RELB: variants seen among roughly 807,000 people sequenced by gnomAD.
RELB encodes the protein transcription factor RelB.
RELB carries 14 observed loss-of-function variants against 55.4 expected under a neutral mutation model. The observed-to-expected ratio is 0.25, with a 90% confidence interval of 0.17 to 0.40. The LOEUF is 0.40. RELB is among the 10% of genes least tolerant of loss of function. The pLI, the probability that RELB is intolerant of heterozygous loss-of-function variation, is 1.00. For missense variants in RELB, 669 were observed against 830.7 expected (o/e 0.81, Z 2.39); for synonymous variants, 409 against 371.3 (o/e 1.10, Z -1.17).
intron 5 of RELB, among the ~76,000 whole-genome samples, chr19:45,024,363 C>G (rs913179409): frequency 6.6e-6 from 1 of 151,484 alleles, no homozygotes; most frequent in Non-Finnish European, 1.5e-5. Context: ...GGGGTTTCAC[C>G]GTGTTAGCCA....
At position 45,012,070 on chromosome 19, in the gene RELB, C is replaced by A; in HGVS notation, c.298C>A (p.Pro100Thr). 1 of 1,550,042 alleles carries A rather than the reference C, an allele frequency of 6.5e-7. No homozygotes were observed. Among genetic ancestry groups the A allele is most frequent in the East Asian group, 2.5e-5 (1 of 39,626 alleles). ...LSTVTLGPVA[P>T]PATPPPWGCP... Reference sequence around the variant, plus strand: ...CACGGTCACCCTGGGCCCTGTGGCGCCCCCAGCCACGCCGCCGCCTTGGGG... The same window carrying A: ...CACGGTCACCCTGGGCCCTGTGGCGACCCCAGCCACGCCGCCGCCTTGGGG... The change falls in exon 4 of 12, where the codon CCC becomes ACC. Residue 100 changes from proline to threonine, a missense_variant. Around this residue, in one of 3 missense-constraint regions of RELB, gnomAD observed 323 missense variants for 368.5 expected, o/e 0.88. Transcript: ENST00000221452.
intron 9 of RELB, 71 bp downstream of exon 9, chr19:45,032,820 G>A: frequency 2.3e-6 from 3 of 1,311,564 alleles, no homozygotes; most frequent in South Asian, 1.3e-5. Flanking sequence ...GACCCCAGTG[G>A]GGATGGGAAA....
intron 2 of RELB, among the ~76,000 whole-genome samples, chr19:45,004,641 G>T (rs1360481546): frequency 1.3e-5 from 2 of 151,636 alleles, no homozygotes; most frequent in Non-Finnish European, 2.9e-5. Flanking sequence ...GCCGAGGTAG[G>T]CTCATCACCT....
rs776030619 is a variant in RELB, at chr19:45,034,250, A to G, written c.1214A>G (p.Tyr405Cys). 6.2e-7 allele frequency: 1 copy of G among 1,613,666 alleles called. No individual in the cohort carries two copies. Among genetic ancestry groups the G allele is most frequent in the South Asian group, 1.1e-5 (1 of 91,082 alleles). The change falls in exon 10 of 12, where the codon TAC becomes TGC. Residue 405 changes from tyrosine (Y) to cysteine (C), a missense_variant. Physicochemically the swap from Tyr to Cys is radical, Grantham distance 194. Around this residue, in one of 3 missense-constraint regions of RELB, gnomAD observed 341 missense variants for 436.8 expected, o/e 0.78. Coordinates refer to ENST00000221452, the MANE Select transcript of RELB (RefSeq NM_006509.4). ...FTYLPRDHDSYGVDKKRKRGM... is the reference protein window; with the variant it reads ...FTYLPRDHDSCGVDKKRKRGM... ...CCTGGTATCTCCTTAACAGACAGCTACGGCGTGGACAAGAAGCGGAAACGG... is the reference window on the plus strand; with the variant it reads ...CCTGGTATCTCCTTAACAGACAGCTGCGGCGTGGACAAGAAGCGGAAACGG...
At chr19:45,003,494 A>G in intron 2 of RELB, 1 of 471,658 alleles carries the variant, frequency 2.1e-6, no homozygotes, top group Admixed American at 2.5e-5. Flanking sequence ...AAAAAAAAAA[A>G]AAAAAGCGTG....
intron 8 of RELB, among the ~76,000 whole-genome samples, chr19:45,032,017 C>G (rs1971627902): frequency 6.6e-6 from 1 of 151,590 alleles, no homozygotes; most frequent in Non-Finnish European, 1.5e-5. Flanking sequence ...GCGGGCAGAT[C>G]ACGAGGTCAG....
chr19:45,013,973 GGACGT>G (rs1200724851), intron 4 of RELB, among the ~76,000 whole-genome samples: 1 of 152,092 alleles, frequency 6.6e-6, no homozygotes, highest in Non-Finnish European at 1.5e-5. Context: ...TCACATCAAG[GGACGT>G]GGGATGTCGT....
In RELB at chr19:45,002,937, C is replaced by T. The variant is rs569115259; in HGVS notation, c.107-12C>T. On this transcript the variant is annotated splice_polypyrimidine_tract_variant and intron_variant, in intron 1 of 11. Coordinates refer to ENST00000221452, the MANE Select transcript of RELB (RefSeq NM_006509.4). Reference sequence around the variant, plus strand: ...CCCCATCACCTCCTGAGACGTTTCTCCTTCTCTGCAGGGTCCCCCGACCTC... The same window carrying T: ...CCCCATCACCTCCTGAGACGTTTCTTCTTCTCTGCAGGGTCCCCCGACCTC... 7 of 1,613,110 alleles carry T rather than the reference C, an allele frequency of 4.3e-6. No individual in the cohort carries two copies. Among genetic ancestry groups the T allele is most frequent in the Non-Finnish European group, 4.2e-6 (5 of 1,179,538 alleles).
chr19:45,003,513 AT>A, intron 2 of RELB: 1 of 490,808 alleles, frequency 2.0e-6, no homozygotes, highest in Non-Finnish European at 4.0e-6. Context: ...TGACAGGTAA[AT>A]CTTACCACCT....
At chr19:45,035,585 T>C (rs1350363224) in intron 11 of RELB, among the ~76,000 whole-genome samples, 2 of 151,952 alleles carry the variant, frequency 1.3e-5, no homozygotes, top group East Asian at 3.9e-4. Context: ...CCCAGCACTT[T>C]GGGAGGCCAA....
At chr19:45,032,324 C>T (rs746962057) in intron 8 of RELB, 6 of 509,974 alleles carry the variant, frequency 1.2e-5, no homozygotes, top group Non-Finnish European at 2.1e-5. Flanking sequence ...GAGGCTGAGG[C>T]AGGAGAATTG....
In RELB at chr19:45,025,738, G is replaced by GT; in HGVS notation, c.886+2dup. On this transcript the variant is annotated splice_donor_variant, in intron 7 of 11. Coordinates refer to ENST00000221452, the MANE Select transcript of RELB (RefSeq NM_006509.4). LOFTEE classifies it high-confidence loss of function. The stretch of plus-strand genomic sequence containing the variant: ...CTTTCCGAGCCCGTCTATGACAAGA[G>GT]TGAGTTGAGAGTGCTGTGGCCGTTA... 1 of 1,614,002 alleles carries GT rather than the reference G, an allele frequency of 6.2e-7. No individual in the cohort carries two copies. Among genetic ancestry groups the GT allele is most frequent in the Non-Finnish European group, 8.5e-7 (1 of 1,179,862 alleles).
In RELB at chr19:45,034,502, A is replaced by G. The variant is rs775655409; in HGVS notation, c.1328A>G (p.Asp443Gly). 1 of 1,608,370 alleles carries G rather than the reference A, an allele frequency of 6.2e-7. No homozygotes were observed. Among genetic ancestry groups the G allele is most frequent in the Admixed American group, 1.7e-5 (1 of 59,112 alleles). ...KRRKKKPAILDHFLPNHGSGP... is the reference protein window; with the variant it reads ...KRRKKKPAILGHFLPNHGSGP... ...CGGAAGAAAAAGCCGGCCATCCTGG[A>G]CCACTTCCTGCCCAACCACGGCTCA... is the stretch of plus-strand genomic sequence containing the variant. Residue 443 changes from aspartate (D) to glycine (G), a missense_variant, in exon 11 of 12, where the codon GAC becomes GGC. Coordinates refer to ENST00000221452, the MANE Select transcript of RELB (RefSeq NM_006509.4).
At chr19:45,028,310 C>T (rs552855713) in intron 7 of RELB, among the ~76,000 whole-genome samples, 1 of 152,152 alleles carries the variant, frequency 6.6e-6, no homozygotes, top group Admixed American at 6.6e-5. Flanking sequence ...GTGTGAGCTA[C>T]CTTGCCTAGC....
intron 2 of RELB, 105 bp from the exon 3 acceptor site, chr19:45,009,709 A>G: frequency 7.5e-7 from 1 of 1,329,664 alleles, no homozygotes; most frequent in Non-Finnish European, 1.1e-6. Context: ...GGAAGACGGA[A>G]GGGTCACAGG....
intron 2 of RELB, among the ~76,000 whole-genome samples, chr19:45,008,284 C>T (rs189694756): frequency 6.6e-6 from 1 of 152,216 alleles, no homozygotes; most frequent in East Asian, 1.9e-4. Context: ...AGCCAAGGCA[C>T]AAAAAGGTGA....
chr19:45,021,448 C>G (rs1971486642), intron 4 of RELB, among the ~76,000 whole-genome samples: 1 of 119,900 alleles, frequency 8.3e-6, no homozygotes, highest in Admixed American at 8.9e-5. Flanking sequence ...CAGAGCGAGA[C>G]TCCATCTCAA....
intron 4 of RELB, 140 bp from the exon 5 acceptor site, chr19:45,021,913 C>A: frequency 2.5e-6 from 2 of 807,204 alleles, no homozygotes; most frequent in South Asian, 4.2e-5. Flanking sequence ...TCATCCTGGT[C>A]GCGGGAGAAG....
In RELB at chr19:45,025,430, C is replaced by T. The variant is rs1371733068; in HGVS notation, c.754+10C>T. The T allele has an allele frequency of 1.2e-6, 2 of 1,606,598 alleles. No individual in the cohort carries two copies. Among genetic ancestry groups the T allele is most frequent in the Non-Finnish European group, 8.5e-7 (1 of 1,175,748 alleles). ...ATTGACCCCTACAACGGTGAGCACC[C>T]CCTGCCTGACCTGACCATCCCGTCC... On this transcript the variant is annotated intron_variant, in intron 6 of 11. Transcript: ENST00000221452.
Sources: gnomAD v4.1 joint callset for allele counts (sites outside exome capture counted in the v4.1 genomes callset) on GRCh38, gnomAD v4.1.1 for gene constraint, gnomAD v4.1.1 regional missense constraint, MANE v1.5 for transcripts, NCBI Gene and HGNC (gene_info 2026-07-23, HGNC 2026-07-21) for gene names.